SETD2: variants seen among roughly 807,000 people sequenced by gnomAD.
The protein encoded by SETD2 is histone-lysine N-methyltransferase SETD2.
Under a neutral mutation model 242.1 loss-of-function variants are expected in SETD2, and 31 were observed. The ratio of observed to expected loss-of-function variants is 0.13; its 90% confidence interval spans 0.10 to 0.17. SETD2 has a LOEUF of 0.17. SETD2 is among the 10% of genes least tolerant of loss of function. The pLI is 1.00. For synonymous variants in SETD2, 1,006 were observed against 1,066.5 expected, an observed-to-expected ratio of 0.94 and a Z score of 1.11; for missense variants, 2,481 against 3,046.3, an observed-to-expected ratio of 0.81 and a Z score of 4.37.
At chr3:47,027,438 C>T (rs1370599226) in intron 18 of SETD2, among the ~76,000 whole-genome samples, 1 of 150,838 alleles carries the variant, frequency 6.6e-6, no homozygotes, top group African/African-American at 2.4e-5. Context: ...GGAGGGATAG[C>T]ATTAGGAGAT....
At chr3:47,062,142 A>G (rs1471185957) in intron 14 of SETD2, 21 bp downstream of exon 14, 1 of 1,597,466 alleles carries the variant, frequency 6.3e-7, no homozygotes, top group African/African-American at 1.4e-5. Flanking sequence ...AAAAACAAAA[A>G]AACTCACACA....
In SETD2 at chr3:47,163,974, A is replaced by G. The variant is rs2106869238; in HGVS notation, c.-50T>C. On this transcript the variant is annotated 5_prime_UTR_variant, in exon 1 of 21. Transcript: ENST00000409792. ...CGAGCCCCCTCCCCGCAGCAGGGCG[A>G]CGCGGGGGAGGGGAGGGGAGGAGGC... 1 of 1,260,142 alleles carries G rather than the reference A, an allele frequency of 7.9e-7. No individual in the cohort carries two copies. Among genetic ancestry groups the G allele is most frequent in the Non-Finnish European group, 1.0e-6 (1 of 995,652 alleles). 78.1% of individuals were successfully genotyped at this position (1,260,142 alleles called of 1,614,324 possible).
At chr3:47,135,755 C>T (rs957395115) in intron 1 of SETD2, among the ~76,000 whole-genome samples, 5 of 152,218 alleles carry the variant, frequency 3.3e-5, no homozygotes, top group African/African-American at 1.2e-4. Flanking sequence ...TCCATGACCA[C>T]TCTCAATTGA....
chr3:47,036,458 G>A (rs1388429722), intron 18 of SETD2, among the ~76,000 whole-genome samples: 1 of 152,036 alleles, frequency 6.6e-6, no homozygotes, highest in African/African-American at 2.4e-5. Context: ...GGGTGGTTGA[G>A]ACATGAGAAC....
intron 1 of SETD2, among the ~76,000 whole-genome samples, chr3:47,147,780 G>A (rs1024935627): frequency 1.2e-4 from 18 of 151,412 alleles, no homozygotes; most frequent in Non-Finnish European, 2.7e-4. Flanking sequence ...AAAATTAGCC[G>A]GGCAAGGTGG....
At chr3:47,101,848 AT>A (rs1310307276) in intron 7 of SETD2, among the ~76,000 whole-genome samples, 1 of 152,294 alleles carries the variant, frequency 6.6e-6, no homozygotes, top group African/African-American at 2.4e-5. Flanking sequence ...AGTAACTGCT[AT>A]TTTAATTTAT....
In SETD2 at chr3:47,121,491, T is replaced by G. The variant is rs373744856; in HGVS notation, c.3145A>C (p.Ser1049Arg). The G allele has an allele frequency of 1.2e-6, 2 of 1,614,044 alleles. No individual in the cohort carries two copies. The highest frequency in any genetic ancestry group is 3.3e-5 in the Admixed American group (2 of 60,022). ...TCCGAATCTGTATCTTCTGAATCAC[T>G]TTCATCATTTGAACTTTCAGAAGAG... ...SGSSESSNDE[S>R]DSEDTDSDDS... is the part of the protein sequence containing the mutation. The change falls in exon 3 of 21, where the codon AGT becomes CGT. Residue 1049 changes from serine (S) to arginine (R), a missense_variant. By Grantham distance (110) the Ser-to-Arg change is moderately radical. Transcript: ENST00000409792.
chr3:47,154,275 GGT>G (rs2106834096), intron 1 of SETD2, among the ~76,000 whole-genome samples: 1 of 152,062 alleles, frequency 6.6e-6, no homozygotes, highest in African/African-American at 2.4e-5. Context: ...TGGGCGTGGT[GGT>G]GCGCGCCTGT....
chr3:47,143,901 G>A (rs1351987279), intron 1 of SETD2, among the ~76,000 whole-genome samples: 3 of 151,970 alleles, frequency 2.0e-5, no homozygotes, highest in African/African-American at 4.8e-5. Context: ...TAGTAGAGAC[G>A]GGGTTTCACC....
At chr3:47,033,655 T>TA (rs2038877125) in intron 18 of SETD2, among the ~76,000 whole-genome samples, 1 of 129,034 alleles carries the variant, frequency 7.7e-6, no homozygotes. Context: ...TGGTTTGATT[T>TA]TTTTTTTTTT....
chr3:47,160,515 G>A (rs1204871081), intron 1 of SETD2, among the ~76,000 whole-genome samples: 1 of 147,872 alleles, frequency 6.8e-6, no homozygotes, highest in Non-Finnish European at 1.5e-5. Flanking sequence ...TCACCATCTT[G>A]GCCAGGCTGG....
intron 1 of SETD2, among the ~76,000 whole-genome samples, chr3:47,150,108 C>T (rs1321813362): frequency 6.8e-6 from 1 of 146,284 alleles, no homozygotes; most frequent in Non-Finnish European, 1.5e-5. Context: ...CGGCTCACTA[C>T]AACCTCTGCC....
intron 18 of SETD2, among the ~76,000 whole-genome samples, chr3:47,027,101 T>C (rs2038515390): frequency 6.6e-6 from 1 of 151,996 alleles, no homozygotes; most frequent in African/African-American, 2.4e-5. Flanking sequence ...TTTGGGAAGC[T>C]GAGGTGGGCA....
At chr3:47,100,904 G>A (rs191556620) in intron 8 of SETD2, among the ~76,000 whole-genome samples, 36 of 151,164 alleles carry the variant, frequency 2.4e-4, no homozygotes, top group African/African-American at 8.3e-4. Context: ...CAGCTGCTCA[G>A]GAGGCTGAGG....
At chr3:47,055,979 C>T (rs1245762864) in intron 15 of SETD2, among the ~76,000 whole-genome samples, 1 of 120,912 alleles carries the variant, frequency 8.3e-6, no homozygotes, top group Non-Finnish European at 1.6e-5. Context: ...CGCCACTGCA[C>T]TCCAGCCTGG....
chr3:47,034,737 C>G (rs2038927012), intron 18 of SETD2, among the ~76,000 whole-genome samples: 1 of 152,180 alleles, frequency 6.6e-6, no homozygotes, highest in Non-Finnish European at 1.5e-5. Context: ...ACATATAATA[C>G]CGTACATTTT....
At chr3:47,094,229 A>T (rs888215816) in intron 9 of SETD2, among the ~76,000 whole-genome samples, 1 of 152,206 alleles carries the variant, frequency 6.6e-6, no homozygotes, top group Non-Finnish European at 1.5e-5. Flanking sequence ...CATAGTAGGG[A>T]CATATTATAC....
intron 11 of SETD2, among the ~76,000 whole-genome samples, chr3:47,085,896 C>T (rs1001833820): frequency 6.6e-6 from 1 of 152,086 alleles, no homozygotes; most frequent in Non-Finnish European, 1.5e-5. Flanking sequence ...CTGGTTTTAA[C>T]AACAAACTGG....
chr3:47,112,150 G>A (rs1016320776), intron 5 of SETD2, among the ~76,000 whole-genome samples: 4 of 134,990 alleles, frequency 3.0e-5, no homozygotes, highest in African/African-American at 1.1e-4. Context: ...GTCTCGCTCT[G>A]TCCCCCAGGC....
Sources: allele counts gnomAD v4.1 joint callset (sites outside exome capture counted in the v4.1 genomes callset), GRCh38; gene constraint gnomAD v4.1.1; transcripts MANE v1.5; gene names NCBI Gene and HGNC (gene_info 2026-07-23, HGNC 2026-07-21).